SLC48A1: variants seen among roughly 807,000 people sequenced by gnomAD.
SLC48A1 encodes the protein heme transporter HRG1.
SLC48A1 carries 6 observed loss-of-function variants against 14.8 expected under a neutral mutation model. The observed-to-expected ratio is 0.41, with a 90% confidence interval of 0.22 to 0.80. The LOEUF (loss-of-function observed/expected upper bound fraction) is 0.80, where lower values mean the gene tolerates loss of function less well. Among genes scored for constraint, SLC48A1 ranks in the 30% least tolerant of loss-of-function variants. The pLI is 0.34. For missense variants in SLC48A1, 165 were observed against 204.8 expected, an observed-to-expected ratio of 0.81 and a Z score of 1.19; for synonymous variants, 89 against 90.0, an observed-to-expected ratio of 0.99 and a Z score of 0.06.
At chr12:47,765,994 G>T (rs1433596342) in intron 2 of SLC48A1, among the ~76,000 whole-genome samples, 1 of 151,936 alleles carries the variant, frequency 6.6e-6, no homozygotes, top group Non-Finnish European at 1.5e-5. Context: ...CATTCCTCCC[G>T]CTGTCTTACT....
upstream of SLC48A1, chr12:47,758,424 C>T (rs965767416): frequency 1.3e-6 from 2 of 1,556,266 alleles, no homozygotes; most frequent in Non-Finnish European, 1.7e-6. Context: ...GCAGCTTCGG[C>T]TTAAACCCTT....
upstream of SLC48A1, chr12:47,753,948 G>A (rs1178575820): frequency 6.6e-6 from 1 of 152,236 alleles, no homozygotes; most frequent in Non-Finnish European, 1.5e-5. Flanking sequence ...CATGAGCACT[G>A]AGGAAGGGAC....
At chr12:47,773,146 G>C (rs1243324622), upstream of SLC48A1, 7 of 966,790 alleles carry the variant, frequency 7.2e-6, no homozygotes, top group Non-Finnish European at 8.6e-6. Context: ...GCCTCCGGCC[G>C]GGGAGGGCGC....
At chr12:47,778,728 A>G (rs1276759032) in intron 1 of SLC48A1, 1 of 339,836 alleles carries the variant, frequency 2.9e-6, no homozygotes. Context: ...ACTAAAAATA[A>G]CATGAATTAA....
At chr12:47,757,705 C>A (rs917319545), upstream of SLC48A1, among the ~76,000 whole-genome samples, 3 of 152,196 alleles carry the variant, frequency 2.0e-5, no homozygotes, top group African/African-American at 7.2e-5. Flanking sequence ...GAGCCACCCA[C>A]GCACACTGCA....
At chr12:47,758,104 A>G (rs529860436), upstream of SLC48A1, 6 of 1,548,664 alleles carry the variant, frequency 3.9e-6, no homozygotes, top group East Asian at 4.8e-5. Flanking sequence ...GAAAGTGGAC[A>G]GCCATGGGAC....
intron 1 of SLC48A1, among the ~76,000 whole-genome samples, chr12:47,774,569 T>TA (rs1389071555): frequency 1.3e-5 from 2 of 152,190 alleles, no homozygotes; most frequent in Non-Finnish European, 2.9e-5. Flanking sequence ...AAAAGAACCC[T>TA]AAATGGAATA....
chr12:47,770,412 T>TTC (rs1942605160), upstream of SLC48A1, among the ~76,000 whole-genome samples: 1 of 152,376 alleles, frequency 6.6e-6, no homozygotes, highest in African/African-American at 2.4e-5. Context: ...GTCTCTTCCA[T>TTC]TCTCTCTGCT....
At chr12:47,757,140 G>A (rs577269465), upstream of SLC48A1, among the ~76,000 whole-genome samples, 7 of 152,272 alleles carry the variant, frequency 4.6e-5, no homozygotes, top group Middle Eastern at 6.8e-3. Context: ...ACACGCAGTG[G>A]AGACATAACT....
At chr12:47,772,563 T>C (rs1186961361), upstream of SLC48A1, among the ~76,000 whole-genome samples, 1 of 152,122 alleles carries the variant, frequency 6.6e-6, no homozygotes, top group Non-Finnish European at 1.5e-5. Context: ...CCTGTAGTCC[T>C]GGCTGCTTGG....
chr12:47,774,346 A>G (rs1332601935), intron 1 of SLC48A1, among the ~76,000 whole-genome samples: 2 of 152,180 alleles, frequency 1.3e-5, no homozygotes, highest in South Asian at 2.1e-4. Flanking sequence ...TGCTTCCCTT[A>G]TTTCATTTAA....
upstream of SLC48A1, chr12:47,755,800 AGT>A (rs767429635): frequency 6.6e-6 from 1 of 152,250 alleles, no homozygotes; most frequent in Non-Finnish European, 1.5e-5. Context: ...AATAACTGGC[AGT>A]GCTGTCTTCC....
Position 47,782,633 on chromosome 12 carries a change from T to C in SLC48A1, c.*2352T>C, listed in dbSNP as rs1048069583. On this transcript the variant is annotated 3_prime_UTR_variant, in exon 3 of 3. Transcript: ENST00000442218. ...CCCTGGTCCCTCCTCCGGCAGTGAC[T>C]CAGACCCACACTGTGCCGTGCAGCT... 8 of 152,268 alleles carry C rather than the reference T, an allele frequency of 5.3e-5. No homozygotes were observed. The highest frequency in any genetic ancestry group is 2.6e-4 in the Admixed American group (4 of 15,290). 9.4% of individuals were successfully genotyped at this position (152,268 alleles called of 1,614,324 possible).
At chr12:47,763,553 G>T (rs985668393) in intron 2 of SLC48A1, among the ~76,000 whole-genome samples, 2 of 152,158 alleles carry the variant, frequency 1.3e-5, no homozygotes, top group East Asian at 3.8e-4. Context: ...GGCTCTGCAT[G>T]GTTTAAGGCC....
chr12:47,759,375 C>G (rs7955143), intron 1 of SLC48A1, among the ~76,000 whole-genome samples: 36 of 152,342 alleles, frequency 2.4e-4, no homozygotes, highest in African/African-American at 8.4e-4. Context: ...TGCCTTGCCT[C>G]CCACAGTTCC....
At chr12:47,754,499 C>T (rs185183114), upstream of SLC48A1, among the ~76,000 whole-genome samples, 3 of 152,296 alleles carry the variant, frequency 2.0e-5, no homozygotes, top group East Asian at 1.9e-4. Context: ...CTAGCTTTTG[C>T]GTTACCATCT....
At chr12:47,757,850 G>A, upstream of SLC48A1, 3 of 1,548,126 alleles carry the variant, frequency 1.9e-6, no homozygotes, top group East Asian at 2.4e-5. Context: ...CACCTGGGCA[G>A]GTGAAAGGTA....
Position 47,780,412 on chromosome 12 carries a change from T to C in SLC48A1, c.*131T>C. On this transcript the variant is annotated 3_prime_UTR_variant, in exon 3 of 3. Transcript: ENST00000442218. ...GGCAGAAAATACACAGCAGGACGAG[T>C]GTGGTCTCCCAGGAAGCTGTCCTGC... 7.1e-7 allele frequency: 1 copy of C among 1,411,320 alleles called. No individual in the cohort carries two copies. The highest frequency in any genetic ancestry group is 1.4e-5 in the African/African-American group (1 of 70,896). 87.4% of individuals were successfully genotyped at this position (1,411,320 alleles called of 1,614,324 possible). A position where few individuals can be genotyped will look rare whatever the true frequency, so the allele number is the denominator to read the frequency against.
chr12:47,770,904 G>A (rs567316685), upstream of SLC48A1: 29 of 456,148 alleles, frequency 6.4e-5, no homozygotes, highest in East Asian at 7.7e-4. Context: ...GCCATCACAC[G>A]TGCGGTTCCC....
Sources: allele counts gnomAD v4.1 joint callset (sites outside exome capture counted in the v4.1 genomes callset), GRCh38; gene constraint gnomAD v4.1.1; transcripts MANE v1.5; gene names NCBI Gene and HGNC (gene_info 2026-07-23, HGNC 2026-07-21).